LIMCH1: variants seen among roughly 807,000 people sequenced by gnomAD.
LIMCH1 encodes LIM and calponin homology domains-containing protein 1.
LIMCH1 carries 113 observed loss-of-function variants against 176.5 expected under a neutral mutation model. That is an observed-to-expected ratio of 0.64 (90% CI 0.55 to 0.75). The LOEUF is 0.75. Ranked by LOEUF, LIMCH1 falls within the 30% of genes least tolerant of loss-of-function variation. The pLI is 0.00. For missense variants in LIMCH1, 1,674 were observed against 1,814.9 expected (o/e 0.92, Z 1.41); for synonymous variants, 619 against 645.9 (o/e 0.96, Z 0.63).
intron 17 of LIMCH1, among the ~76,000 whole-genome samples, chr4:41,649,043 G>T (rs1021899119): frequency 6.6e-6 from 1 of 152,050 alleles, no homozygotes; most frequent in African/African-American, 2.4e-5. Flanking sequence ...AAGACCAGTG[G>T]CTTAAGGTAA....
chr4:41,383,169 A>G (rs1044723114), intron 1 of LIMCH1, among the ~76,000 whole-genome samples: 4 of 152,178 alleles, frequency 2.6e-5, no homozygotes, highest in African/African-American at 9.7e-5. Context: ...CTTCCATATT[A>G]TTAGCTGCTA....
At position 41,570,337 on chromosome 4, in the gene LIMCH1, C is replaced by T. The variant is rs575665466; in HGVS notation, c.-240-28583C>T. Among the ~76,000 whole-genome samples the T allele has an allele frequency of 2.2e-4, 34 of 152,350 alleles. 1 individual carries two copies. Among genetic ancestry groups the T allele is most frequent in the Admixed American group, 2.2e-3 (33 of 15,300 alleles). ...TTCCAAGGGGTTAAAGAAATACTTT[C>T]AAAACATGTGGCCTCACTTCCACTT... On this transcript the variant is annotated intron_variant, in intron 1 of 31. Transcript: ENST00000503057.
chr4:41,370,839 CA>C (rs1292147466), intron 1 of LIMCH1, among the ~76,000 whole-genome samples: 1 of 152,174 alleles, frequency 6.6e-6, no homozygotes, highest in Non-Finnish European at 1.5e-5. Context: ...AAACACCCAG[CA>C]CAGTGCCTGA....
chr4:41,485,469 A>T (rs536783204), intron 1 of LIMCH1, among the ~76,000 whole-genome samples: 3 of 152,370 alleles, frequency 2.0e-5, no homozygotes, highest in African/African-American at 7.2e-5. Flanking sequence ...ACAAAGCAAG[A>T]AAACTATGCT....
chr4:41,662,605 C>T (rs968811304), intron 19 of LIMCH1, among the ~76,000 whole-genome samples: 14 of 152,242 alleles, frequency 9.2e-5, no homozygotes, highest in African/African-American at 2.9e-4. Context: ...GGTTATAGGA[C>T]GTGATTTGTG....
At chr4:41,526,882 A>C (rs2076715241) in intron 3 of LIMCH1, among the ~76,000 whole-genome samples, 2 of 152,208 alleles carry the variant, frequency 1.3e-5, no homozygotes, top group Non-Finnish European at 2.9e-5. Flanking sequence ...TTCCTTGGCC[A>C]CTGCCCCAGA....
chr4:41,524,485 A>G, intron 3 of LIMCH1: 3 of 1,607,276 alleles, frequency 1.9e-6, no homozygotes, highest in Non-Finnish European at 2.6e-6. Context: ...ACTGGTGAGT[A>G]CGTGGAATTG....
intron 13 of LIMCH1, among the ~76,000 whole-genome samples, chr4:41,638,102 TTTGTTG>T (rs146967384): frequency 3.7e-4 from 32 of 87,118 alleles, no homozygotes; most frequent in African/African-American, 6.4e-4. Flanking sequence ...GCTGTGTTGT[TTTGTTG>T]TTGTTGTTGT....
chr4:41,523,880 T>C (rs1194377785), intron 2 of LIMCH1, among the ~76,000 whole-genome samples: 13 of 152,246 alleles, frequency 8.5e-5, no homozygotes, highest in African/African-American at 3.1e-4. Context: ...TAACCTCTTA[T>C]TAAACACATT....
At chr4:41,444,992 A>C (rs2063128714) in intron 1 of LIMCH1, among the ~76,000 whole-genome samples, 1 of 151,646 alleles carries the variant, frequency 6.6e-6, no homozygotes, top group Admixed American at 6.6e-5. Flanking sequence ...AGGCACATGA[A>C]GAGAATATTC....
At chr4:41,605,700 G>A (rs1055129814) in intron 3 of LIMCH1, among the ~76,000 whole-genome samples, 194 bp from the exon 4 acceptor site, 2 of 152,034 alleles carry the variant, frequency 1.3e-5, no homozygotes, top group African/African-American at 4.8e-5. Flanking sequence ...CCGTGTTTGT[G>A]TTGCCTGACA....
At chr4:41,404,148 G>A (rs2058731938) in intron 1 of LIMCH1, among the ~76,000 whole-genome samples, 1 of 152,128 alleles carries the variant, frequency 6.6e-6, no homozygotes, top group African/African-American at 2.4e-5. Flanking sequence ...TCTTGCTCAT[G>A]CTATATATCC....
chr4:41,466,966 C>CT (rs1049713517), intron 1 of LIMCH1, among the ~76,000 whole-genome samples: 4 of 151,958 alleles, frequency 2.6e-5, no homozygotes, highest in African/African-American at 7.3e-5. Flanking sequence ...ACCATGCTAC[C>CT]TTTTTTCTCT....
intron 2 of LIMCH1, among the ~76,000 whole-genome samples, chr4:41,507,986 C>T (rs1197587204): frequency 6.6e-6 from 1 of 151,824 alleles, no homozygotes; most frequent in Non-Finnish European, 1.5e-5. Flanking sequence ...TTCTCTTCTA[C>T]CAGGAAAGAG....
chr4:41,547,171 A>C (rs2079552502), intron 1 of LIMCH1, among the ~76,000 whole-genome samples: 1 of 152,156 alleles, frequency 6.6e-6, no homozygotes, highest in Non-Finnish European at 1.5e-5. Context: ...GAACATTTAA[A>C]ATCTACTCTT....
At position 41,638,927 on chromosome 4, in the gene LIMCH1, T is replaced by C; in HGVS notation, c.2091-5T>C. On this transcript the variant is annotated splice_region_variant and splice_polypyrimidine_tract_variant and intron_variant, in intron 13 of 31. Coordinates refer to ENST00000503057, the MANE Select transcript of LIMCH1 (RefSeq NM_001330672.2). ...AGTCCTCTAATTTTTTATTTGATCT[T>C]ATAGATACGGTCCGAGAACTCCTGT... 2 of 1,607,764 alleles carry C rather than the reference T, an allele frequency of 1.2e-6. No individual in the cohort carries two copies. Among genetic ancestry groups the C allele is most frequent in the South Asian group, 1.1e-5 (1 of 89,544 alleles).
chr4:41,661,868 CAT>C (rs2094635099), intron 19 of LIMCH1: 5 of 384,034 alleles, frequency 1.3e-5, no homozygotes, highest in East Asian at 7.3e-5. Context: ...AGGTCAAAAA[CAT>C]AAAAATAGAC....
At chr4:41,374,534 C>G (rs1581180109) in intron 1 of LIMCH1, among the ~76,000 whole-genome samples, 1 of 151,254 alleles carries the variant, frequency 6.6e-6, no homozygotes, top group East Asian at 1.9e-4. Flanking sequence ...ATTTTAAACT[C>G]TGTGTGTGTG....
At chr4:41,649,071 T>C (rs1464375739) in intron 17 of LIMCH1, among the ~76,000 whole-genome samples, 1 of 152,098 alleles carries the variant, frequency 6.6e-6, no homozygotes, top group Non-Finnish European at 1.5e-5. Flanking sequence ...ATAACTAATA[T>C]CCAGCCTTCC....
Sources: allele counts gnomAD v4.1 joint callset (sites outside exome capture counted in the v4.1 genomes callset), GRCh38; gene constraint gnomAD v4.1.1; transcripts MANE v1.5; gene names NCBI Gene and HGNC (gene_info 2026-07-23, HGNC 2026-07-21).